Variants in EFCAB6 observed in about 807,000 individuals in gnomAD.
The protein encoded by EFCAB6 is EF-hand calcium-binding domain-containing protein 6.
EFCAB6 carries 156 observed loss-of-function variants against 169.8 expected under a neutral mutation model. The ratio of observed to expected loss-of-function variants is 0.92; its 90% confidence interval spans 0.81 to 1.05. The LOEUF (loss-of-function observed/expected upper bound fraction) is 1.05, where lower values mean the gene tolerates loss of function less well. Ranked by LOEUF, EFCAB6 falls within the 50% of genes least tolerant of loss-of-function variation. The pLI, the probability that EFCAB6 is intolerant of heterozygous loss-of-function variation, is 0.00. For synonymous variants in EFCAB6, 698 were observed against 676.4 expected (o/e 1.03, Z -0.50); for missense variants, 1,800 against 1,829.1 (o/e 0.98, Z 0.29).
intron 5 of EFCAB6, chr22:43,759,780 G>C (rs1319021110): frequency 2.0e-5 from 3 of 152,162 alleles, no homozygotes; most frequent in Non-Finnish European, 4.4e-5. Flanking sequence ...CGGATATTCA[G>C]AAACTTCCTC....
intron 20 of EFCAB6, among the ~76,000 whole-genome samples, chr22:43,624,204 G>A (rs2147810857): frequency 6.6e-6 from 1 of 152,284 alleles, no homozygotes; most frequent in South Asian, 2.1e-4. Context: ...ACAGGGCATG[G>A]CCAGGGTGGG....
chr22:43,788,706 G>A (rs987653974), intron 2 of EFCAB6, among the ~76,000 whole-genome samples: 3 of 152,090 alleles, frequency 2.0e-5, no homozygotes, highest in Admixed American at 6.5e-5. Flanking sequence ...GTTGCCATAC[G>A]GCCAAGCAAT....
At chr22:43,687,657 T>C in intron 10 of EFCAB6, 76 bp from the exon 11 acceptor site, 1 of 786,588 alleles carries the variant, frequency 1.3e-6, no homozygotes, top group Non-Finnish European at 2.0e-6. Flanking sequence ...AGGTACTTAA[T>C]GTTGAATTGA....
chr22:43,634,268 G>A (rs149107924), intron 18 of EFCAB6, among the ~76,000 whole-genome samples: 41 of 152,226 alleles, frequency 2.7e-4, no homozygotes, highest in African/African-American at 9.9e-4. Context: ...ACCCAGGGAC[G>A]GTGCTGAAAT....
intron 17 of EFCAB6, among the ~76,000 whole-genome samples, chr22:43,653,856 C>G (rs1185083131): frequency 6.6e-6 from 1 of 151,978 alleles, no homozygotes; most frequent in Non-Finnish European, 1.5e-5. Flanking sequence ...AGGTGAATAT[C>G]CCCTAAAAAT....
At chr22:43,690,903 G>T (rs551312662) in intron 10 of EFCAB6, among the ~76,000 whole-genome samples, 63 of 151,986 alleles carry the variant, frequency 4.1e-4, no homozygotes, top group Middle Eastern at 3.4e-3. Flanking sequence ...CATAGCCAGT[G>T]CTGTTTTCCC....
chr22:43,528,975 C>A lies in EFCAB6; in HGVS notation c.4384G>T (p.Val1462Phe). ...GLLSVADFRT[V>F]LRQYSINLSE... Reference sequence around the variant, plus strand: ...AGGTTGATGCTGTACTGTCTCAGGACCTGGAAGACAGAGAAAAGGGGCCTC... The same window carrying A: ...AGGTTGATGCTGTACTGTCTCAGGAACTGGAAGACAGAGAAAAGGGGCCTC... Residue 1462 changes from valine to phenylalanine, a missense_variant and splice_region_variant, in exon 32 of 32, where the codon GTC (valine) becomes TTC (phenylalanine). Coordinates refer to ENST00000262726, the MANE Select transcript of EFCAB6 (RefSeq NM_022785.4). 1 of 1,575,076 alleles carries A rather than the reference C, an allele frequency of 6.3e-7. No individual in the cohort carries two copies. Among genetic ancestry groups the A allele is most frequent in the Non-Finnish European group, 8.7e-7 (1 of 1,149,626 alleles).
chr22:43,737,458 A>G (rs568500854), intron 6 of EFCAB6, among the ~76,000 whole-genome samples: 1 of 148,804 alleles, frequency 6.7e-6, no homozygotes, highest in Non-Finnish European at 1.5e-5. Context: ...ATTCATACAC[A>G]CACACCCCTG....
chr22:43,692,264 C>G (rs2058437794), intron 10 of EFCAB6, among the ~76,000 whole-genome samples: 1 of 152,098 alleles, frequency 6.6e-6, no homozygotes, highest in Non-Finnish European at 1.5e-5. Flanking sequence ...ACTAAAATAA[C>G]AGAAAGAACA....
chr22:43,662,039 T>C (rs1457629589), intron 17 of EFCAB6, among the ~76,000 whole-genome samples: 1 of 151,910 alleles, frequency 6.6e-6, no homozygotes, highest in Admixed American at 6.5e-5. Flanking sequence ...CAGGTGCCTG[T>C]AGTCCCAGCT....
intron 18 of EFCAB6, among the ~76,000 whole-genome samples, chr22:43,634,187 G>A (rs2055201662): frequency 6.6e-6 from 1 of 152,180 alleles, no homozygotes; most frequent in Non-Finnish European, 1.5e-5. Flanking sequence ...CCTGGCAGGT[G>A]GGACACACTC....
intron 5 of EFCAB6, among the ~76,000 whole-genome samples, chr22:43,761,914 T>G (rs112092949): frequency 0.019 from 2,879 of 152,348 alleles, 94 homozygotes; most frequent in African/African-American, 0.066. Context: ...TTCTATTGGG[T>G]ATTACATCTA....
chr22:43,803,337 C>T (rs1354319242), intron 2 of EFCAB6, among the ~76,000 whole-genome samples: 1 of 152,124 alleles, frequency 6.6e-6, no homozygotes, highest in African/African-American at 2.4e-5. Flanking sequence ...GTTGTTCAAC[C>T]CTCACTCTAA....
Position 43,600,197 on chromosome 22 carries a change from A to G in EFCAB6, c.2748T>C (p.Tyr916=). ...CACAGGGCCGATGGACAGCAGGCGA[A>G]TAGTTAATACCCAATTTCTGTAAAA... ...QEFLQKLGIN[Y]SPAVHRPCAE... The change falls in exon 23 of 32, where the codon TAT becomes TAC. Residue 916 remains tyrosine, a synonymous_variant. Coordinates refer to ENST00000262726, the MANE Select transcript of EFCAB6 (RefSeq NM_022785.4). 6.2e-7 allele frequency: 1 copy of G among 1,614,214 alleles called. No individual in the cohort carries two copies. Among genetic ancestry groups the G allele is most frequent in the South Asian group, 1.1e-5 (1 of 91,080 alleles).
In EFCAB6 at chr22:43,576,314, TAA is replaced by T; in HGVS notation, c.3401_3402del (p.Phe1134Ter). The T allele has an allele frequency of 6.3e-7, 1 of 1,587,896 alleles. No homozygotes were observed. Among genetic ancestry groups the T allele is most frequent in the South Asian group, 1.2e-5 (1 of 84,894 alleles). ...YINWKYFLQN[F>X]SCFLEETADE... ...ATTCTTACCTCCTCAAGGAAACAGC[TAA>T]AGTTCTGGAGAAAATATTTCCAATT... is the stretch of plus-strand genomic sequence containing the variant. On this transcript the variant is annotated frameshift_variant, in exon 26 of 32. Coordinates refer to ENST00000262726, the MANE Select transcript of EFCAB6 (RefSeq NM_022785.4). LOFTEE classifies it high-confidence loss of function.
At chr22:43,607,139 G>A (rs1450602862) in intron 22 of EFCAB6, among the ~76,000 whole-genome samples, 2 of 152,152 alleles carry the variant, frequency 1.3e-5, no homozygotes, top group East Asian at 1.9e-4. Flanking sequence ...ACCTGGTAAG[G>A]GAGCAGCCCT....
intron 4 of EFCAB6, 27 bp from the exon 5 acceptor site, chr22:43,765,420 CAT>C (rs768434785): frequency 2.4e-5 from 38 of 1,561,894 alleles, no homozygotes; most frequent in Non-Finnish European, 3.3e-5. Flanking sequence ...AGAATGACAA[CAT>C]GTTAGAGAAT....
intron 5 of EFCAB6, among the ~76,000 whole-genome samples, chr22:43,756,856 C>T (rs1025665612): frequency 2.0e-5 from 3 of 152,114 alleles, no homozygotes; most frequent in African/African-American, 7.2e-5. Context: ...GCCTTCCAGG[C>T]AAAGCAAAGG....
At chr22:43,660,531 A>G (rs1033898142) in intron 17 of EFCAB6, among the ~76,000 whole-genome samples, 3 of 150,672 alleles carry the variant, frequency 2.0e-5, no homozygotes, top group African/African-American at 4.8e-5. Context: ...ATAAGTATAC[A>G]TATTTATATA....
Sources: gnomAD v4.1 joint callset for allele counts (sites outside exome capture counted in the v4.1 genomes callset) on GRCh38, gnomAD v4.1.1 for gene constraint, MANE v1.5 for transcripts, NCBI Gene and HGNC (gene_info 2026-07-23, HGNC 2026-07-21) for gene names.